The following PTPRD variants were observed in gnomAD, a reference collection of about 807,000 sequenced individuals.
PTPRD encodes receptor-type tyrosine-protein phosphatase delta.
A neutral mutation model predicts 214.5 loss-of-function variants in PTPRD; 34 were observed. That is an observed-to-expected ratio of 0.16 (90% CI 0.12 to 0.21). The LOEUF (loss-of-function observed/expected upper bound fraction) is 0.21. Among genes scored for constraint, PTPRD ranks in the 10% least tolerant of loss-of-function variants. The pLI, the probability that PTPRD is intolerant of heterozygous loss-of-function variation, is 1.00. For missense variants in PTPRD, 2,545 were observed against 2,398.7 expected (o/e 1.06, Z -1.27); for synonymous variants, 1,128 against 845.7 (o/e 1.33, Z -5.79).
At chr9:8,509,622 T>A (rs2097633110) in intron 21 of PTPRD, among the ~76,000 whole-genome samples, 1 of 152,242 alleles carries the variant, frequency 6.6e-6, no homozygotes, top group South Asian at 2.1e-4. Flanking sequence ...TGACATTGAT[T>A]GAAAACATCT....
At chr9:8,914,622 C>G (rs969747296) in intron 11 of PTPRD, among the ~76,000 whole-genome samples, 2 of 152,066 alleles carry the variant, frequency 1.3e-5, no homozygotes, top group African/African-American at 4.8e-5. Flanking sequence ...ATATGTGTAG[C>G]TGAGTCCATG....
chr9:10,306,086 G>T (rs2096058556), intron 3 of PTPRD, among the ~76,000 whole-genome samples: 1 of 152,062 alleles, frequency 6.6e-6, no homozygotes, highest in African/African-American at 2.4e-5. Flanking sequence ...GGAATCCTAT[G>T]CATCCACAAA....
At chr9:9,679,844 C>T (rs1203096785) in intron 7 of PTPRD, among the ~76,000 whole-genome samples, 2 of 151,820 alleles carry the variant, frequency 1.3e-5, no homozygotes, top group African/African-American at 2.4e-5. Flanking sequence ...GCCAATCTTC[C>T]TAGAAATCTG....
chr9:10,136,776 G>T lies in PTPRD; in HGVS notation c.-544-102986C>A, dbSNP rs1376959511. On this transcript the variant is annotated intron_variant, in intron 3 of 45. Transcript: ENST00000381196. ...GAGTGAACAGGCAACCTACAACATG[G>T]GAGAAAATTTTCGCAACCTACTCAT... Among the ~76,000 whole-genome samples the T allele has an allele frequency of 3.1e-4, 21 of 66,986 alleles. 1 individual carries two copies. Among genetic ancestry groups the T allele is most frequent in the African/African-American group, 1.4e-3 (21 of 15,164 alleles). 43.9% of individuals were successfully genotyped at this position (66,986 alleles called of 152,430 possible). A position where few individuals can be genotyped will look rare whatever the true frequency, so the allele number is the denominator to read the frequency against.
chr9:9,099,883 G>A lies in PTPRD; in HGVS notation c.-142-81148C>T, dbSNP rs2099788960. Among the ~76,000 whole-genome samples the A allele has an allele frequency of 1.3e-5, 2 of 152,160 alleles. 1 individual carries two copies. Among genetic ancestry groups the A allele is most frequent in the South Asian group, 4.1e-4 (2 of 4,832 alleles). ...AATTAGAGTTGGAGAGAGCTACACT[G>A]AAGGGTGAGGAAGCACTGCAGATTT... On this transcript the variant is annotated intron_variant, in intron 10 of 45. Coordinates refer to ENST00000381196, the MANE Select transcript of PTPRD (RefSeq NM_002839.4).
intron 14 of PTPRD, among the ~76,000 whole-genome samples, chr9:8,550,689 T>C (rs543198209): frequency 6.6e-6 from 1 of 152,172 alleles, no homozygotes; most frequent in East Asian, 1.9e-4. Context: ...CCTAGAAATA[T>C]GGTATAATGT....
At chr9:9,585,052 TTC>T (rs1489749518) in intron 7 of PTPRD, among the ~76,000 whole-genome samples, 5 of 152,070 alleles carry the variant, frequency 3.3e-5, no homozygotes, top group African/African-American at 1.2e-4. Context: ...TTTCATAAAA[TTC>T]TCTTTTTCCA....
chr9:10,451,000 G>C (rs2098837973), intron 2 of PTPRD, among the ~76,000 whole-genome samples: 1 of 151,926 alleles, frequency 6.6e-6, no homozygotes, highest in South Asian at 2.1e-4. Flanking sequence ...ACTCACTAGA[G>C]GGTTTGTAAA....
At chr9:8,791,129 A>C (rs1478354715) in intron 11 of PTPRD, among the ~76,000 whole-genome samples, 1 of 152,352 alleles carries the variant, frequency 6.6e-6, no homozygotes, top group East Asian at 1.9e-4. Flanking sequence ...ATCCTCAAAG[A>C]GGCCAATTAC....
chr9:9,093,432 G>A (rs1233978949), intron 10 of PTPRD, among the ~76,000 whole-genome samples: 2 of 151,882 alleles, frequency 1.3e-5, no homozygotes, highest in East Asian at 3.9e-4. Flanking sequence ...CATATTCCAG[G>A]CCATAAAACA....
intron 12 of PTPRD, among the ~76,000 whole-genome samples, chr9:8,680,020 G>A (rs1228514788): frequency 1.3e-5 from 2 of 151,978 alleles, no homozygotes; most frequent in African/African-American, 2.4e-5. Context: ...ACAGTAACAA[G>A]GAGATTAAAT....
At chr9:8,900,599 G>A (rs1197933751) in intron 11 of PTPRD, among the ~76,000 whole-genome samples, 1 of 152,170 alleles carries the variant, frequency 6.6e-6, no homozygotes, top group African/African-American at 2.4e-5. Context: ...TTTCCTTTTG[G>A]ATTACATTGA....
chr9:9,825,361 A>G (rs2052399575), intron 5 of PTPRD, among the ~76,000 whole-genome samples: 1 of 151,684 alleles, frequency 6.6e-6, no homozygotes, highest in Admixed American at 6.6e-5. Context: ...ACAAAGAGAC[A>G]CAGAGAGAGA....
chr9:9,114,486 G>A (rs1269663421), intron 10 of PTPRD, among the ~76,000 whole-genome samples: 1 of 152,072 alleles, frequency 6.6e-6, no homozygotes, highest in Admixed American at 6.6e-5. Flanking sequence ...TCTGAATAAG[G>A]GAGGGAGGTA....
intron 3 of PTPRD, among the ~76,000 whole-genome samples, chr9:10,309,980 A>G (rs377457709): frequency 6.6e-6 from 1 of 151,992 alleles, no homozygotes; most frequent in Non-Finnish European, 1.5e-5. Flanking sequence ...ATGAAATAAT[A>G]TGTTCAGAGT....
At chr9:10,307,850 G>A (rs1235264114) in intron 3 of PTPRD, among the ~76,000 whole-genome samples, 1 of 151,522 alleles carries the variant, frequency 6.6e-6, no homozygotes, top group Non-Finnish European at 1.5e-5. Context: ...TTAATTTTGT[G>A]CCATTTGTAT....
rs193095716 is a variant in PTPRD at position 9,232,560 on chromosome 9, T to A, written c.-202-49197A>T. On this transcript the variant is annotated intron_variant, in intron 9 of 45. Coordinates refer to ENST00000381196, the MANE Select transcript of PTPRD (RefSeq NM_002839.4). ...ACTGTTATGAAATTTATTCTGGAAG[T>A]AATAAAAATACCAGTTCTTTTTGAA... Among the ~76,000 whole-genome samples the A allele has an allele frequency of 7.9e-5, 12 of 152,282 alleles. No homozygotes were observed. The East Asian group carries it at 2.3e-3, about 29-fold the overall frequency.
intron 8 of PTPRD, among the ~76,000 whole-genome samples, chr9:9,485,124 G>A (rs955712447): frequency 3.9e-5 from 6 of 152,108 alleles, no homozygotes; most frequent in African/African-American, 7.2e-5. Context: ...AACAGCTGTC[G>A]TTTCAGGACT....
chr9:8,611,818 A>G (rs7851020), intron 14 of PTPRD, among the ~76,000 whole-genome samples: 19 of 116,876 alleles, frequency 1.6e-4, no homozygotes, highest in South Asian at 3.2e-4. Flanking sequence ...GGAGAGGAGA[A>G]GAGAGGAGGA....
Sources: allele counts gnomAD v4.1 joint callset (sites outside exome capture counted in the v4.1 genomes callset), GRCh38; gene constraint gnomAD v4.1.1; transcripts MANE v1.5; gene names NCBI Gene and HGNC (gene_info 2026-07-23, HGNC 2026-07-21).